Variants in PHTF2 observed in about 807,000 individuals in gnomAD.
PHTF2 encodes putative homeodomain transcription factor 2, also known as protein PHTF2.
PHTF2 carries 60 observed loss-of-function variants against 101.2 expected under a neutral mutation model. The ratio of observed to expected loss-of-function variants is 0.59; its 90% CI spans 0.48 to 0.73. The LOEUF (loss-of-function observed/expected upper bound fraction) is 0.73. PHTF2 is among the 30% of genes least tolerant of loss of function. PHTF2 has a pLI of 0.00. For synonymous variants in PHTF2, 311 were observed against 307.3 expected (o/e 1.01, Z -0.13); for missense variants, 747 against 908.7 (o/e 0.82, Z 2.29).
intron 10 of PHTF2, 32 bp from the exon 10 acceptor site, chr7:77,922,591 C>T (rs1389441468): frequency 6.4e-7 from 1 of 1,560,192 alleles, no homozygotes; most frequent in Admixed American, 1.8e-5. Flanking sequence ...TTAGAAATTA[C>T]CTATAATCCT....
At chr7:77,893,746 A>C in intron 4 of PHTF2, 82 bp downstream of exon 3, 1 of 668,100 alleles carries the variant, frequency 1.5e-6, no homozygotes, top group Non-Finnish European at 2.6e-6. Flanking sequence ...GTTTTTTAAT[A>C]TACTTTTAAG....
chr7:77,908,750 T>C lies in PHTF2; in HGVS notation c.446-43T>C, dbSNP rs760257499. 7 of 1,286,300 alleles carry C rather than the reference T, an allele frequency of 5.4e-6. No individual in the cohort carries two copies. The African/African-American group carries it at 1.1e-4, about 20-fold the overall frequency. The allele number at this position is 1,286,300 out of a possible 1,614,324, so 79.7% of individuals were successfully genotyped here. A position where few individuals can be genotyped will look rare whatever the true frequency, so the allele number is the denominator to read the frequency against. On this transcript the variant is annotated intron_variant, in intron 7 of 19. Transcript: ENST00000416283. ...ATTTTAAAAGTTTTGAAGAGGTGACTATCAGATCTATAATTAAGCATATTT... is the reference window on the plus strand; with the variant it reads ...ATTTTAAAAGTTTTGAAGAGGTGACCATCAGATCTATAATTAAGCATATTT...
chr7:77,952,928 A>T (rs1319427885), intron 18 of PHTF2, among the ~76,000 whole-genome samples: 1 of 152,100 alleles, frequency 6.6e-6, no homozygotes. Flanking sequence ...GCCCTATGTG[A>T]GATCCTTGTC....
At chr7:77,915,979 C>G (rs201292311) in intron 9 of PHTF2, among the ~76,000 whole-genome samples, 28 of 147,830 alleles carry the variant, frequency 1.9e-4, no homozygotes, top group South Asian at 4.3e-4. Context: ...ATTTGTGTGT[C>G]TGTGTGTGTG....
At chr7:77,838,612 G>A (rs952808896) in intron 1 of PHTF2, among the ~76,000 whole-genome samples, 3 of 151,990 alleles carry the variant, frequency 2.0e-5, no homozygotes, top group African/African-American at 7.2e-5. Flanking sequence ...ATTATTTATT[G>A]GTTACAAAGA....
intron 1 of PHTF2, among the ~76,000 whole-genome samples, chr7:77,828,031 G>A (rs903545414): frequency 1.3e-5 from 2 of 152,096 alleles, no homozygotes; most frequent in African/African-American, 2.4e-5. Flanking sequence ...TCTTTAAGCC[G>A]TTTAGTTAAC....
At chr7:77,801,208 G>C (rs1792522593) in intron 1 of PHTF2, among the ~76,000 whole-genome samples, 1 of 152,210 alleles carries the variant, frequency 6.6e-6, no homozygotes, top group South Asian at 2.1e-4. Context: ...TTGAGCATCT[G>C]TAAACTGAAA....
At chr7:77,843,782 G>A (rs1796064888) in intron 2 of PHTF2, among the ~76,000 whole-genome samples, 1 of 152,090 alleles carries the variant, frequency 6.6e-6, no homozygotes, top group South Asian at 2.1e-4. Context: ...TGAGAAAAAT[G>A]TATACAATAT....
chr7:77,843,815 C>G (rs1226455892), intron 2 of PHTF2, among the ~76,000 whole-genome samples: 2 of 152,258 alleles, frequency 1.3e-5, no homozygotes, highest in East Asian at 3.9e-4. Flanking sequence ...AATAACACAT[C>G]TGTCTTAAAA....
At chr7:77,947,985 T>C (rs1806226170) in intron 16 of PHTF2, among the ~76,000 whole-genome samples, 1 of 151,214 alleles carries the variant, frequency 6.6e-6, no homozygotes, top group African/African-American at 2.4e-5. Flanking sequence ...ATTACAGGAG[T>C]GTGCCACCAC....
chr7:77,948,076 G>A (rs978536278), intron 16 of PHTF2, among the ~76,000 whole-genome samples: 1 of 152,014 alleles, frequency 6.6e-6, no homozygotes, highest in East Asian at 1.9e-4. Context: ...CTGACCTCAG[G>A]TAGTGCACCT....
Position 77,801,777 on chromosome 7 carries a change from C to T in PHTF2, c.-36+2806C>T, listed in dbSNP as rs2150455201. 2.0e-5 allele frequency among the ~76,000 whole-genome samples: 3 copies of T among 152,242 alleles called. No homozygotes were observed. The South Asian group carries it at 6.2e-4, about 32-fold the overall frequency. On this transcript the variant is annotated intron_variant, in intron 1 of 19. Transcript: ENST00000416283. ...TATGTATATGCAAATATTACAAAATCCAAAATCCAAAATGCTTGTGGTCCC... is the reference window on the plus strand; with the variant it reads ...TATGTATATGCAAATATTACAAAATTCAAAATCCAAAATGCTTGTGGTCCC...
chr7:77,824,870 C>CAAAA (rs112875578), intron 1 of PHTF2, among the ~76,000 whole-genome samples: 109 of 130,602 alleles, frequency 8.3e-4, no homozygotes, highest in African/African-American at 2.9e-3. Flanking sequence ...CCACCTCTAC[C>CAAAA]AAAAAAAAAA....
chr7:77,909,886 G>A (rs1802217877), intron 8 of PHTF2: 1 of 159,338 alleles, frequency 6.3e-6, no homozygotes, highest in Non-Finnish European at 1.4e-5. Context: ...AAATAGCAAT[G>A]TCCATAAATT....
In PHTF2 at chr7:77,929,338, G is replaced by T. The variant is rs577849287; in HGVS notation, c.1338+11G>T. The T allele has an allele frequency of 6.2e-6, 9 of 1,462,578 alleles. No individual in the cohort carries two copies. In the East Asian group the frequency reaches 2.0e-4, roughly 33 times the overall value. 90.6% of individuals were successfully genotyped at this position (1,462,578 alleles called of 1,614,324 possible). Reference sequence around the variant, plus strand: ...GACCCTTTTCATCAGGTTGGTTTATGGTTTTGGCTTATGTGGAGCTATGAG... The same window carrying T: ...GACCCTTTTCATCAGGTTGGTTTATTGTTTTGGCTTATGTGGAGCTATGAG... On this transcript the variant is annotated intron_variant, in intron 12 of 19. Coordinates refer to ENST00000416283, the Ensembl canonical transcript of PHTF2.
intron 12 of PHTF2, among the ~76,000 whole-genome samples, chr7:77,935,128 C>CG (rs1394589284): frequency 6.0e-5 from 4 of 66,210 alleles, no homozygotes; most frequent in East Asian, 7.1e-4. Context: ...ATTCCCCCCC[C>CG]CCACACACAC....
At chr7:77,892,606 A>G (rs1800533950) in intron 3 of PHTF2, among the ~76,000 whole-genome samples, 1 of 152,222 alleles carries the variant, frequency 6.6e-6, no homozygotes, top group Non-Finnish European at 1.5e-5. Context: ...AATGCAAATA[A>G]TGAAAATTCC....
chr7:77,894,718 G>A (rs977892511), intron 5 of PHTF2, among the ~76,000 whole-genome samples: 1 of 152,146 alleles, frequency 6.6e-6, no homozygotes, highest in Non-Finnish European at 1.5e-5. Context: ...AAACTCTATA[G>A]AAGAGCGAGA....
chr7:77,832,108 G>T (rs936402736), intron 1 of PHTF2, among the ~76,000 whole-genome samples: 1 of 151,524 alleles, frequency 6.6e-6, no homozygotes, highest in Non-Finnish European at 1.5e-5. Context: ...CACAAAACTT[G>T]CTTACTTGTG....
Sources: gnomAD v4.1 joint callset for allele counts (sites outside exome capture counted in the v4.1 genomes callset) on GRCh38, gnomAD v4.1.1 for gene constraint, MANE v1.5 for transcripts, NCBI Gene and HGNC (gene_info 2026-07-23, HGNC 2026-07-21) for gene names.